The following TRIM13 variants were observed in gnomAD, a reference collection of about 807,000 sequenced individuals.
TRIM13 encodes the protein tripartite motif containing 13.
A neutral mutation model predicts 27.1 loss-of-function variants in TRIM13; 15 were observed. The ratio of observed to expected loss-of-function variants is 0.55; its 90% CI spans 0.37 to 0.85. TRIM13 has a LOEUF of 0.85. TRIM13 is among the 40% of genes least tolerant of loss of function. The probability of loss-of-function intolerance (pLI) is 0.00; values close to 1 mark genes in which losing one functional copy is unlikely to be tolerated. For synonymous variants in TRIM13, 193 were observed against 171.5 expected (o/e 1.13, Z -0.98); for missense variants, 402 against 472.2 (o/e 0.85, Z 1.38).
rs1454688602 is a variant in TRIM13 at position 50,015,099 on chromosome 13, AT to A, written c.*1936del. ...ATAAAAAAAAAAAAAAAAAAAATAT[AT>A]ATATATATATATATATATATATATA... On this transcript the variant is annotated 3_prime_UTR_variant, in exon 2 of 2. Coordinates refer to ENST00000378182, the MANE Select transcript of TRIM13 (RefSeq NM_213590.3). The A allele has an allele frequency of 3.4e-4, 1 of 2,954 alleles. No individual in the cohort carries two copies. Among genetic ancestry groups the A allele is most frequent in the African/African-American group, 8.1e-4 (1 of 1,234 alleles). The allele number at this position is 2,954 out of a possible 1,614,324, so 0.2% of individuals were successfully genotyped here. A position where few individuals can be genotyped will look rare whatever the true frequency, so the allele number is the denominator to read the frequency against.
chr13:50,012,916 C>T lies in TRIM13; in HGVS notation c.976C>T (p.Leu326Phe). Reference sequence around the variant, plus strand: ...ATTTTTGCTAATCCTTCTGCTTGGCCTTGTCATTGTCTTTGGTCCTACCAT... The same window carrying T: ...ATTTTTGCTAATCCTTCTGCTTGGCTTTGTCATTGTCTTTGGTCCTACCAT... ...KLFLLILLLG[L>F]VIVFGPTMFL... is the part of the protein sequence containing the mutation. The change falls in exon 2 of 2, where the codon CTT (leucine) becomes TTT (phenylalanine). Residue 326 changes from leucine to phenylalanine, a missense_variant. Coordinates refer to ENST00000378182, the MANE Select transcript of TRIM13 (RefSeq NM_213590.3). The T allele has an allele frequency of 1.2e-6, 2 of 1,613,904 alleles. No homozygotes were observed. The highest frequency in any genetic ancestry group is 1.7e-6 in the Non-Finnish European group (2 of 1,179,996).
chr13:50,010,850 A>G (rs530977099), intron 1 of TRIM13, among the ~76,000 whole-genome samples: 1 of 152,320 alleles, frequency 6.6e-6, no homozygotes, highest in East Asian at 1.9e-4. Flanking sequence ...TGTTCCATGA[A>G]AAAAAGCAGC....
rs905230293 is a variant in TRIM13 at position 50,016,261 on chromosome 13, G to C, written c.*3097G>C. 67 of 559,598 alleles carry C rather than the reference G, an allele frequency of 1.2e-4. No homozygotes were observed. The highest frequency in any genetic ancestry group is 1.8e-4 in the Non-Finnish European group (57 of 309,618). The allele number at this position is 559,598 out of a possible 1,614,324, so 34.7% of individuals were successfully genotyped here. A position where few individuals can be genotyped will look rare whatever the true frequency, so the allele number is the denominator to read the frequency against. On this transcript the variant is annotated 3_prime_UTR_variant, in exon 2 of 2. Coordinates refer to ENST00000378182, the MANE Select transcript of TRIM13 (RefSeq NM_213590.3). ...AACTGGGATACTTTTTAGAGTGAAA[G>C]GGGCTATTATTAGGTGGGACAAAAG...
At position 50,015,790 on chromosome 13, in the gene TRIM13, C is replaced by G; in HGVS notation, c.*2626C>G. 6.2e-7 allele frequency: 1 copy of G among 1,614,102 alleles called. No homozygotes were observed. Among genetic ancestry groups the G allele is most frequent in the Non-Finnish European group, 8.5e-7 (1 of 1,179,984 alleles). ...TTCGTTCTCTAGTTGATCTCTTAAA[C>G]CCATACCTGCTACAGCCAAGACCTG... On this transcript the variant is annotated 3_prime_UTR_variant, in exon 2 of 2. Coordinates refer to ENST00000378182, the MANE Select transcript of TRIM13 (RefSeq NM_213590.3).
At chr13:50,003,367 AC>A (rs199560276) in intron 1 of TRIM13, among the ~76,000 whole-genome samples, 1 of 152,226 alleles carries the variant, frequency 6.6e-6, no homozygotes, top group African/African-American at 2.4e-5. Context: ...ATGAAAAAAA[AC>A]AAAAAACATG....
rs1024236554 is a variant in TRIM13 at position 50,012,932 on chromosome 13, G to A, written c.992G>A (p.Gly331Asp). ...CTGCTTGGCCTTGTCATTGTCTTTGGTCCTACCATGTTCCTAGAATGGTCA... is the reference window on the plus strand; with the variant it reads ...CTGCTTGGCCTTGTCATTGTCTTTGATCCTACCATGTTCCTAGAATGGTCA... ...ILLLGLVIVF[G>D]PTMFLEWSLF... is the part of the protein sequence containing the mutation. Residue 331 changes from glycine (G) to aspartate (D), a missense_variant, in exon 2 of 2, where the codon GGT becomes GAT. Transcript: ENST00000378182. 8.1e-6 allele frequency: 13 copies of A among 1,613,824 alleles called. No homozygotes were observed. Among genetic ancestry groups the A allele is most frequent in the African/African-American group, 1.3e-5 (1 of 74,930 alleles).
At position 50,015,328 on chromosome 13, in the gene TRIM13, GGA is replaced by G; in HGVS notation, c.*2165_*2166del. 1 of 598,498 alleles carries G rather than the reference GGA, an allele frequency of 1.7e-6. No individual in the cohort carries two copies. Among genetic ancestry groups the G allele is most frequent in the South Asian group, 2.5e-5 (1 of 40,160 alleles). The allele number at this position is 598,498 out of a possible 1,614,324, so 37.1% of individuals were successfully genotyped here. On this transcript the variant is annotated 3_prime_UTR_variant, in exon 2 of 2. Coordinates refer to ENST00000378182, the MANE Select transcript of TRIM13 (RefSeq NM_213590.3). Reference sequence around the variant, plus strand: ...AACTCGAATTTGCAAACACAGCCATGGATACACTATTTACCTTACAGTAGTTT... The same window carrying G: ...AACTCGAATTTGCAAACACAGCCATGTACACTATTTACCTTACAGTAGTTT...
intron 1 of TRIM13, among the ~76,000 whole-genome samples, chr13:50,006,965 G>A (rs749515645): frequency 2.0e-5 from 3 of 151,806 alleles, no homozygotes; most frequent in African/African-American, 4.8e-5. Flanking sequence ...CGGATCACCC[G>A]AGGTCAGGAG....
rs1876380210 is a variant in TRIM13 at position 50,015,176 on chromosome 13, G to GT, written c.*2017dup. 6.8e-6 allele frequency: 1 copy of GT among 146,454 alleles called. No homozygotes were observed. The highest frequency in any genetic ancestry group is 3.0e-5 in the African/African-American group (1 of 33,324). The allele number at this position is 146,454 out of a possible 1,614,324, so 9.1% of individuals were successfully genotyped here. On this transcript the variant is annotated 3_prime_UTR_variant, in exon 2 of 2. Transcript: ENST00000378182. ...AGTTTTACTAGGTTTTCATGGATAA[G>GT]TTTTTAAATGTAAGACAGGAAAGGG...
At chr13:50,001,539 A>G (rs755852824) in intron 1 of TRIM13, among the ~76,000 whole-genome samples, 4 of 152,150 alleles carry the variant, frequency 2.6e-5, no homozygotes, top group Non-Finnish European at 5.9e-5. Flanking sequence ...CTCTGCTAGA[A>G]ATATCTTGGA....
chr13:50,007,535 C>T lies in TRIM13; in HGVS notation c.-6-4400C>T, dbSNP rs180731149. On this transcript the variant is annotated intron_variant, in intron 1 of 1. Transcript: ENST00000378182. Reference sequence around the variant, plus strand: ...GGCACGGTGGCTCACCCCTGTAATCCCAGCAGTTTGGGAGGCGGGTGGATT... The same window carrying T: ...GGCACGGTGGCTCACCCCTGTAATCTCAGCAGTTTGGGAGGCGGGTGGATT... 6.2e-3 allele frequency among the ~76,000 whole-genome samples: 932 copies of T among 150,726 alleles called. 9 individuals carry two copies. The highest frequency in any genetic ancestry group is 0.021 in the African/African-American group (856 of 40,902).
intron 1 of TRIM13, among the ~76,000 whole-genome samples, chr13:50,008,664 C>T (rs918852213): frequency 2.0e-5 from 3 of 151,882 alleles, no homozygotes; most frequent in African/African-American, 7.3e-5. Context: ...AAATAATAAA[C>T]CTGCATTGAG....
At chr13:50,011,099 C>T (rs902031038) in intron 1 of TRIM13, among the ~76,000 whole-genome samples, 1 of 152,242 alleles carries the variant, frequency 6.6e-6, no homozygotes, top group African/African-American at 2.4e-5. Context: ...GCGCTTCTTA[C>T]AGCTTTGCTC....
At chr13:50,000,904 G>A (rs1441571908) in intron 1 of TRIM13, 2 of 152,178 alleles carry the variant, frequency 1.3e-5, no homozygotes, top group African/African-American at 4.8e-5. Flanking sequence ...ATTTCTAAGT[G>A]TACAGTACAG....
chr13:50,011,889 G>A, intron 1 of TRIM13, 46 bp from the exon 2 acceptor site: 1 of 1,536,858 alleles, frequency 6.5e-7, no homozygotes, highest in Non-Finnish European at 8.7e-7. Flanking sequence ...CATAGTCCTA[G>A]TGGTGACGGT....
At chr13:50,003,368 C>CA (rs1192568487) in intron 1 of TRIM13, among the ~76,000 whole-genome samples, 2 of 151,636 alleles carry the variant, frequency 1.3e-5, no homozygotes, top group African/African-American at 4.8e-5. Flanking sequence ...TGAAAAAAAA[C>CA]AAAAAACATG....
Position 50,012,463 on chromosome 13 carries a change from C to A in TRIM13, c.523C>A (p.Leu175Met). The A allele has an allele frequency of 6.2e-7, 1 of 1,614,000 alleles. No individual in the cohort carries two copies. The highest frequency in any genetic ancestry group is 8.5e-7 in the Non-Finnish European group (1 of 1,179,978). The change falls in exon 2 of 2, where the codon CTG (leucine) becomes ATG (methionine). Residue 175 changes from leucine to methionine, a missense_variant. Transcript: ENST00000378182. Reference protein sequence around the residue: ...ETSKRKSLQLLTKDSDKVKEF... With the variant: ...ETSKRKSLQLMTKDSDKVKEF... The stretch of plus-strand genomic sequence containing the variant: ...TAGTAAGAGGAAATCCCTACAGTTA[C>A]TGACTAAAGATTCAGATAAAGTGAA...
At position 50,013,241 on chromosome 13, in the gene TRIM13, C is replaced by A; in HGVS notation, c.*77C>A. The A allele has an allele frequency of 7.4e-7, 1 of 1,352,536 alleles. No homozygotes were observed. Among genetic ancestry groups the A allele is most frequent in the Non-Finnish European group, 1.0e-6 (1 of 1,003,894 alleles). The allele number at this position is 1,352,536 out of a possible 1,614,324, so 83.8% of individuals were successfully genotyped here. ...AGAGTGGTAATTCAGATTTGGTCAACGATTCTAGTCACATATTTTCCTCCA... is the reference window on the plus strand; with the variant it reads ...AGAGTGGTAATTCAGATTTGGTCAAAGATTCTAGTCACATATTTTCCTCCA... On this transcript the variant is annotated 3_prime_UTR_variant, in exon 2 of 2. Coordinates refer to ENST00000378182, the MANE Select transcript of TRIM13 (RefSeq NM_213590.3).
intron 1 of TRIM13, among the ~76,000 whole-genome samples, chr13:50,002,880 C>A (rs1874223494): frequency 6.6e-6 from 1 of 152,096 alleles, no homozygotes; most frequent in Admixed American, 6.6e-5. Context: ...CCAGGCTGAT[C>A]TTGAACTCCT....
Sources: gnomAD v4.1 joint callset for allele counts (sites outside exome capture counted in the v4.1 genomes callset) on GRCh38, gnomAD v4.1.1 for gene constraint, MANE v1.5 for transcripts, NCBI Gene and HGNC (gene_info 2026-07-23, HGNC 2026-07-21) for gene names.